The following SOX5 variants were observed in gnomAD, a reference collection of about 807,000 sequenced individuals.
SOX5 encodes the protein transcription factor SOX-5.
SOX5 carries 9 observed loss-of-function variants against 92.0 expected under a neutral mutation model. The observed-to-expected ratio is 0.10, with a 90% confidence interval of 0.06 to 0.17. SOX5 has a LOEUF of 0.17. SOX5 is among the 10% of genes least tolerant of loss of function. The probability of loss-of-function intolerance (pLI) is 1.00; values close to 1 mark genes in which losing one functional copy is unlikely to be tolerated. For synonymous variants in SOX5, 344 were observed against 336.3 expected (o/e 1.02, Z -0.25); for missense variants, 642 against 944.5 (o/e 0.68, Z 4.20).
chr12:24,169,312 T>C (rs1454061515), intron 4 of SOX5, among the ~76,000 whole-genome samples: 1 of 152,208 alleles, frequency 6.6e-6, no homozygotes, highest in Non-Finnish European at 1.5e-5. Context: ...GAGATATTTT[T>C]AAAGTCTTCG....
intron 3 of SOX5, among the ~76,000 whole-genome samples, chr12:24,232,503 G>C (rs1270760887): frequency 6.6e-6 from 1 of 152,144 alleles, no homozygotes; most frequent in East Asian, 1.9e-4. Context: ...ATCTATTCCT[G>C]AGACAAGGAA....
At chr12:23,640,789 C>T (rs372652610) in intron 8 of SOX5, 23 bp downstream of exon 8, 82 of 1,569,660 alleles carry the variant, frequency 5.2e-5, no homozygotes, top group Non-Finnish European at 7.0e-5. Context: ...CCTTTGTCTC[C>T]TCTGTATTGT....
In SOX5 at chr12:23,676,674, TCAGA is replaced by T. The variant is rs2085754623; in HGVS notation, c.811-11114_811-11111del. On this transcript the variant is annotated intron_variant, in intron 6 of 14. Coordinates refer to ENST00000451604, the MANE Select transcript of SOX5 (RefSeq NM_006940.6). ...GTGACATTTGAAGACATGGAGGAAG[TCAGA>T]CAATAAACCTCTGAACTATGTAGTG... 2.0e-5 allele frequency among the ~76,000 whole-genome samples: 3 copies of T among 152,306 alleles called. No homozygotes were observed. The South Asian group carries it at 6.2e-4, about 32-fold the overall frequency.
chr12:24,194,542 T>C (rs1200673332), intron 4 of SOX5, among the ~76,000 whole-genome samples: 1 of 152,188 alleles, frequency 6.6e-6, no homozygotes, highest in Admixed American at 6.5e-5. Context: ...CATATCTATA[T>C]ATTTAAGCTT....
chr12:24,166,417 T>C (rs1456582990), intron 4 of SOX5, among the ~76,000 whole-genome samples: 2 of 152,138 alleles, frequency 1.3e-5, no homozygotes, highest in Non-Finnish European at 2.9e-5. Context: ...GCATATACGT[T>C]GATAAATGAA....
At position 23,642,196 on chromosome 12, in the gene SOX5, A is replaced by C. The variant is rs545916112; in HGVS notation, c.932-1299T>G. ...GTTTGTGTGCGTGTCTGAGCATATA[A>C]AATTTTTGCATTTTTATTCTAAAGA... On this transcript the variant is annotated intron_variant, in intron 7 of 14. Coordinates refer to ENST00000451604, the MANE Select transcript of SOX5 (RefSeq NM_006940.6). 2.0e-5 allele frequency among the ~76,000 whole-genome samples: 3 copies of C among 152,218 alleles called. No homozygotes were observed. In the East Asian group the frequency reaches 5.8e-4, roughly 29 times the overall value.
At chr12:24,438,898 T>C (rs751153717) in intron 1 of SOX5, among the ~76,000 whole-genome samples, 30 of 152,240 alleles carry the variant, frequency 2.0e-4, no homozygotes, top group Non-Finnish European at 3.2e-4. Context: ...AATAACTTAG[T>C]TGATAAAGCA....
chr12:24,102,974 AGT>A (rs1343866152), intron 4 of SOX5, among the ~76,000 whole-genome samples: 1 of 152,226 alleles, frequency 6.6e-6, no homozygotes, highest in Non-Finnish European at 1.5e-5. Context: ...TTGCCTTAGC[AGT>A]TTTGAGGTGG....
At chr12:24,018,504 G>A (rs999758612) in intron 4 of SOX5, among the ~76,000 whole-genome samples, 1 of 152,084 alleles carries the variant, frequency 6.6e-6, no homozygotes, top group African/African-American at 2.4e-5. Flanking sequence ...ATATTTATAA[G>A]AGCAGAGCTG....
chr12:23,803,970 C>CA, intron 3 of SOX5, among the ~76,000 whole-genome samples: 1 of 152,174 alleles, frequency 6.6e-6, no homozygotes, highest in East Asian at 1.9e-4. Context: ...CAGGTAGTTA[C>CA]AGACATCTGT....
At chr12:23,958,844 C>T (rs992426597) in intron 4 of SOX5, among the ~76,000 whole-genome samples, 1 of 151,358 alleles carries the variant, frequency 6.6e-6, no homozygotes, top group Non-Finnish European at 1.5e-5. Flanking sequence ...CCCCCAGAAA[C>T]CCTATGAGAA....
At chr12:23,742,069 C>T (rs1047511742) in intron 4 of SOX5, among the ~76,000 whole-genome samples, 4 of 152,074 alleles carry the variant, frequency 2.6e-5, no homozygotes, top group Non-Finnish European at 5.9e-5. Flanking sequence ...AAACATAAGA[C>T]ACTAAGCACT....
chr12:24,200,007 T>C (rs1957362582), intron 4 of SOX5, among the ~76,000 whole-genome samples: 2 of 152,206 alleles, frequency 1.3e-5, no homozygotes, highest in African/African-American at 4.8e-5. Flanking sequence ...TTATTAGTTT[T>C]AAAGTGTAAA....
At chr12:23,870,148 G>C (rs893079190) in intron 2 of SOX5, among the ~76,000 whole-genome samples, 1 of 151,816 alleles carries the variant, frequency 6.6e-6, no homozygotes, top group African/African-American at 2.4e-5. Flanking sequence ...AATAGCATTA[G>C]AAAAAGAGTA....
chr12:24,376,522 C>A lies in SOX5; in HGVS notation c.-250-7883G>T, dbSNP rs141638513. On this transcript the variant is annotated intron_variant, in intron 1 of 4. Coordinates refer to the SOX5 transcript ENST00000446891. The stretch of plus-strand genomic sequence containing the variant: ...CAATTTGCCAATCATGGTAGGAGAA[C>A]TGGTAGCATGAAAAGACAGAGATGG... 3.6e-3 allele frequency among the ~76,000 whole-genome samples: 542 copies of A among 152,036 alleles called. 2 individuals are homozygous for A. The highest frequency in any genetic ancestry group is 0.014 in the Middle Eastern group (4 of 294).
chr12:24,024,683 C>T (rs1767041022), intron 4 of SOX5, among the ~76,000 whole-genome samples: 1 of 151,968 alleles, frequency 6.6e-6, no homozygotes. Context: ...CTCACAAATG[C>T]TGTCAAGGTA....
At chr12:23,995,727 G>T (rs945056159) in intron 4 of SOX5, among the ~76,000 whole-genome samples, 1 of 152,048 alleles carries the variant, frequency 6.6e-6, no homozygotes, top group Non-Finnish European at 1.5e-5. Context: ...TCCTAAAAGG[G>T]ATCCAACTTT....
At chr12:24,095,128 C>CAGAG (rs764681203) in intron 4 of SOX5, among the ~76,000 whole-genome samples, 1,007 of 90,194 alleles carry the variant, frequency 0.011, 28 homozygotes, top group Admixed American at 0.068. Context: ...CACACACACA[C>CAGAG]AGAGAGAGAG....
At chr12:23,638,498 A>G (rs2079571310) in intron 8 of SOX5, 2 of 152,196 alleles carry the variant, frequency 1.3e-5, no homozygotes, top group South Asian at 4.1e-4. Flanking sequence ...ACTAGTCCAT[A>G]TATTATACTC....
Sources: gnomAD v4.1 joint callset for allele counts (sites outside exome capture counted in the v4.1 genomes callset) on GRCh38, gnomAD v4.1.1 for gene constraint, MANE v1.5 for transcripts, NCBI Gene and HGNC (gene_info 2026-07-23, HGNC 2026-07-21) for gene names.